SYNE2: variants seen among roughly 807,000 people sequenced by gnomAD.
SYNE2 encodes the protein nesprin-2.
A neutral mutation model predicts 856.3 loss-of-function variants in SYNE2; 431 were observed. That is an observed-to-expected ratio of 0.50 (90% confidence interval 0.47 to 0.55). The LOEUF (loss-of-function observed/expected upper bound fraction) is 0.55, where lower values mean the gene tolerates loss of function less well. SYNE2 is among the 20% of genes least tolerant of loss of function. The probability of loss-of-function intolerance (pLI) is 0.00; values close to 1 mark genes in which losing one functional copy is unlikely to be tolerated. For synonymous variants in SYNE2, 2,923 were observed against 2,872.3 expected (o/e 1.02, Z -0.56); for missense variants, 8,129 against 8,023.2 (o/e 1.01, Z -0.50).
intron 85 of SYNE2, among the ~76,000 whole-genome samples, chr14:64,157,892 T>G (rs988436930): frequency 1.3e-5 from 2 of 152,252 alleles, no homozygotes; most frequent in African/African-American, 4.8e-5. Flanking sequence ...GGGAAATGTT[T>G]AGTCACTTCC....
At chr14:64,041,049 A>G (rs1357211061) in intron 45 of SYNE2, among the ~76,000 whole-genome samples, 1 of 152,172 alleles carries the variant, frequency 6.6e-6, no homozygotes, top group Non-Finnish European at 1.5e-5. Flanking sequence ...GGCAGTGCAA[A>G]TAAGTTCTTC....
intron 67 of SYNE2, 107 bp downstream of exon 67, chr14:64,119,716 C>T (rs1448770933): frequency 8.7e-7 from 1 of 1,153,668 alleles, no homozygotes. Flanking sequence ...AGAAACTGTA[C>T]TAAGTGTGAA....
intron 2 of SYNE2, among the ~76,000 whole-genome samples, chr14:63,914,419 C>T (rs906926327): frequency 6.6e-6 from 1 of 152,164 alleles, no homozygotes; most frequent in African/African-American, 2.4e-5. Context: ...TTAGGCAGTG[C>T]CTACCTATTG....
intron 88 of SYNE2, 133 bp downstream of exon 88, chr14:64,162,409 T>TAGG (rs1157590007): frequency 2.1e-6 from 2 of 938,510 alleles, no homozygotes; most frequent in East Asian, 5.2e-5. Flanking sequence ...ACTTGCCATG[T>TAGG]AGGACATAGG....
chr14:63,960,883 A>G (rs2096304344), intron 8 of SYNE2: 2 of 603,346 alleles, frequency 3.3e-6, no homozygotes, highest in South Asian at 1.9e-5. Context: ...TGTCTAAAAA[A>G]AATAAAAAAT....
intron 31 of SYNE2, among the ~76,000 whole-genome samples, chr14:64,008,456 G>C (rs1016309288): frequency 1.3e-5 from 2 of 152,248 alleles, no homozygotes; most frequent in Non-Finnish European, 2.9e-5. Flanking sequence ...TTCCTGCAGA[G>C]TTGGGGCTAG....
At chr14:63,872,759 C>T (rs1897156985) in intron 1 of SYNE2, among the ~76,000 whole-genome samples, 1 of 35,386 alleles carries the variant, frequency 2.8e-5, no homozygotes, top group African/African-American at 7.1e-5. Context: ...GAGACTCTGC[C>T]TCAAAAAAAA....
chr14:64,184,375 C>G (rs1331361200), intron 96 of SYNE2, among the ~76,000 whole-genome samples: 2 of 121,664 alleles, frequency 1.6e-5, no homozygotes, highest in Non-Finnish European at 3.6e-5. Flanking sequence ...TGTGTATGAA[C>G]ATGGTGAGTG....
intron 2 of SYNE2, among the ~76,000 whole-genome samples, chr14:63,936,142 G>A (rs2095829965): frequency 6.6e-6 from 1 of 152,082 alleles, no homozygotes; most frequent in African/African-American, 2.4e-5. Context: ...CAAAGTGCTG[G>A]GATTACAGGC....
chr14:64,100,531 A>ATATATATATATAT (rs1555483884), intron 63 of SYNE2, among the ~76,000 whole-genome samples: 2 of 39,482 alleles, frequency 5.1e-5, no homozygotes, highest in Admixed American at 4.1e-4. Context: ...AAAAAAAAAA[A>ATATATATATATAT]ATATATATAT....
At position 63,831,949 on chromosome 14, in the gene SYNE2, A is replaced by G. The variant is rs540458199; in HGVS notation, c.-304-20552A>G. The stretch of plus-strand genomic sequence containing the variant: ...GAAAACATATTTTTTTTAAATTTCA[A>G]TATTCAAGAGACATTTTTATAGACA... On this transcript the variant is annotated intron_variant, in intron 1 of 23. Coordinates refer to the SYNE2 transcript ENST00000674003. Among the ~76,000 whole-genome samples the G allele has an allele frequency of 6.9e-4, 105 of 152,218 alleles. 1 individual carries two copies. Among genetic ancestry groups the G allele is most frequent in the African/African-American group, 2.5e-3 (102 of 41,556 alleles).
At chr14:64,095,402 T>C (rs758416081) in intron 61 of SYNE2, among the ~76,000 whole-genome samples, 5 of 152,256 alleles carry the variant, frequency 3.3e-5, no homozygotes, top group South Asian at 2.1e-4. Context: ...GTACTTCGAA[T>C]GGATCTTCTA....
chr14:64,014,929 TTATATATA>T (rs372523173), intron 32 of SYNE2, among the ~76,000 whole-genome samples: 2,462 of 78,492 alleles, frequency 0.031, 46 homozygotes, highest in Admixed American at 0.066. Context: ...GTATAATTCC[TTATATATA>T]TATATATATA....
chr14:64,093,284 G>A lies in SYNE2; in HGVS notation c.11977-65G>A, dbSNP rs2097645581. 4 of 1,589,440 alleles carry A rather than the reference G, an allele frequency of 2.5e-6. No individual in the cohort carries two copies. In the African/African-American group the frequency reaches 4.0e-5, roughly 16 times the overall value. ...TAAAACTTCCATGGGGCTAGACAAT[G>A]AAAATAGTCCATTAATCTGCTTAGA... On this transcript the variant is annotated intron_variant, in intron 60 of 115. Transcript: ENST00000555002.
At chr14:63,848,098 G>C (rs1297599061), upstream of SYNE2, among the ~76,000 whole-genome samples, 5 of 152,040 alleles carry the variant, frequency 3.3e-5, no homozygotes, top group South Asian at 4.1e-4. Flanking sequence ...TGCTGTCCAG[G>C]ATGGTCTCGA....
At chr14:64,153,553 C>G (rs1009665684) in intron 85 of SYNE2, among the ~76,000 whole-genome samples, 2 of 152,182 alleles carry the variant, frequency 1.3e-5, no homozygotes, top group African/African-American at 2.4e-5. Context: ...AACACTCAGC[C>G]TCATTCCTCA....
chr14:64,197,375 A>G (rs761099052), intron 99 of SYNE2, among the ~76,000 whole-genome samples: 5 of 152,168 alleles, frequency 3.3e-5, no homozygotes, highest in Non-Finnish European at 5.9e-5. Flanking sequence ...AAATGCTTTA[A>G]AGAGGCAATG....
At chr14:63,845,357 A>T (rs2139941129) in intron 1 of SYNE2, among the ~76,000 whole-genome samples, 1 of 152,044 alleles carries the variant, frequency 6.6e-6, no homozygotes, top group Admixed American at 6.6e-5. Context: ...CAGAGGTTGC[A>T]GTGAGCCGAG....
chr14:64,183,079 CG>C (rs2098467917), intron 96 of SYNE2, among the ~76,000 whole-genome samples: 1 of 147,600 alleles, frequency 6.8e-6, no homozygotes, highest in Non-Finnish European at 1.5e-5. Context: ...ACTTCCCGGA[CG>C]GGGCGGCTGC....
Sources: allele counts gnomAD v4.1 joint callset (sites outside exome capture counted in the v4.1 genomes callset), GRCh38; gene constraint gnomAD v4.1.1; transcripts MANE v1.5; gene names NCBI Gene and HGNC (gene_info 2026-07-23, HGNC 2026-07-21).